The following LPP variants were observed in gnomAD, a reference collection of about 807,000 sequenced individuals.
The protein encoded by LPP is LIM domain containing preferred translocation partner in lipoma.
A neutral mutation model predicts 60.4 loss-of-function variants in LPP; 38 were observed. The observed-to-expected ratio is 0.63, with a 90% CI of 0.49 to 0.83. The LOEUF (loss-of-function observed/expected upper bound fraction) is 0.83, where lower values mean the gene tolerates loss of function less well. Among genes scored for constraint, LPP ranks in the 40% least tolerant of loss-of-function variants. The pLI is 0.00. For synonymous variants in LPP, 328 were observed against 290.8 expected (o/e 1.13, Z -1.30); for missense variants, 902 against 783.6 (o/e 1.15, Z -1.80).
chr3:188,365,738 TA>T (rs1343822042), intron 3 of LPP, among the ~76,000 whole-genome samples: 2 of 151,858 alleles, frequency 1.3e-5, no homozygotes, highest in Non-Finnish European at 2.9e-5. Context: ...TTGTTTTTAT[TA>T]AAAAATCAAT....
chr3:188,628,797 A>G (rs1345493319), intron 7 of LPP, among the ~76,000 whole-genome samples: 3 of 152,156 alleles, frequency 2.0e-5, no homozygotes, highest in Admixed American at 6.5e-5. Flanking sequence ...GAGATAGAAC[A>G]ACCAAAAGTG....
At chr3:188,521,019 A>G (rs1354792386) in intron 5 of LPP, among the ~76,000 whole-genome samples, 1 of 152,194 alleles carries the variant, frequency 6.6e-6, no homozygotes, top group Non-Finnish European at 1.5e-5. Context: ...ATCGAAAGGT[A>G]AATGAATATC....
chr3:188,769,575 A>G (rs1260328958), intron 9 of LPP, among the ~76,000 whole-genome samples: 2 of 152,240 alleles, frequency 1.3e-5, no homozygotes, highest in Non-Finnish European at 2.9e-5. Flanking sequence ...TTTAAAGTCC[A>G]GCAGGAACCT....
At chr3:188,787,618 A>G (rs1027645170) in intron 9 of LPP, among the ~76,000 whole-genome samples, 8 of 152,158 alleles carry the variant, frequency 5.3e-5, no homozygotes, top group Admixed American at 4.6e-4. Flanking sequence ...TGCAGCATTT[A>G]AAGATGTTGA....
intron 1 of LPP, among the ~76,000 whole-genome samples, chr3:188,218,993 C>G (rs1714753452): frequency 7.5e-6 from 1 of 133,530 alleles, no homozygotes; most frequent in South Asian, 2.4e-4. Flanking sequence ...AAATTGTTGA[C>G]AAATCCAGAT....
chr3:188,407,768 GTTTTTTTTTTTGTTTGTTTGTTT>G (rs1164967249), intron 4 of LPP, among the ~76,000 whole-genome samples: 5 of 61,282 alleles, frequency 8.2e-5, no homozygotes, highest in Admixed American at 7.9e-4. Context: ...CTCATTTATG[GTTTTTTTTTTTGTTTGTTTGTTT>G]TTTTTTTTTT....
intron 6 of LPP, among the ~76,000 whole-genome samples, chr3:188,580,051 A>G (rs961689660): frequency 5.9e-5 from 9 of 152,148 alleles, no homozygotes; most frequent in African/African-American, 2.2e-4. Context: ...AAAATAAAAT[A>G]AAAACCCCAA....
At chr3:188,515,255 A>C (rs889232064) in intron 5 of LPP, among the ~76,000 whole-genome samples, 18 of 151,984 alleles carry the variant, frequency 1.2e-4, no homozygotes, top group African/African-American at 4.3e-4. Flanking sequence ...TTCACACGAG[A>C]TCTGGTTGTT....
At chr3:188,780,727 C>G (rs1050164434) in intron 9 of LPP, among the ~76,000 whole-genome samples, 2 of 152,204 alleles carry the variant, frequency 1.3e-5, no homozygotes, top group African/African-American at 4.8e-5. Flanking sequence ...AGGATCCCAC[C>G]CCGCCATTCT....
At chr3:188,359,525 G>A (rs948509531) in intron 3 of LPP, among the ~76,000 whole-genome samples, 9 of 152,186 alleles carry the variant, frequency 5.9e-5, no homozygotes, top group African/African-American at 2.2e-4. Context: ...TGGCCCGAAA[G>A]GGGAAGAGAG....
At chr3:188,432,987 G>T (rs1427088090) in intron 4 of LPP, among the ~76,000 whole-genome samples, 1 of 152,108 alleles carries the variant, frequency 6.6e-6, no homozygotes, top group African/African-American at 2.4e-5. Flanking sequence ...AACAAGGGAT[G>T]ACCTTTGCTT....
intron 6 of LPP, among the ~76,000 whole-genome samples, chr3:188,564,248 G>A (rs1369208682): frequency 1.3e-5 from 2 of 151,830 alleles, no homozygotes; most frequent in Non-Finnish European, 2.9e-5. Flanking sequence ...TCCACCATTC[G>A]CAGCTGGTCC....
chr3:188,772,372 A>G (rs796792486), intron 9 of LPP, among the ~76,000 whole-genome samples: 2 of 152,212 alleles, frequency 1.3e-5, no homozygotes, highest in African/African-American at 4.8e-5. Flanking sequence ...CACATCTCTC[A>G]TAGGATTGAT....
At chr3:188,336,232 G>T (rs936483937) in intron 2 of LPP, among the ~76,000 whole-genome samples, 1 of 152,126 alleles carries the variant, frequency 6.6e-6, no homozygotes, top group Non-Finnish European at 1.5e-5. Context: ...GCTTGAAGTG[G>T]CTGTGGGACT....
chr3:188,570,167 C>G (rs1486876222), intron 6 of LPP, among the ~76,000 whole-genome samples: 1 of 151,962 alleles, frequency 6.6e-6, no homozygotes, highest in Non-Finnish European at 1.5e-5. Context: ...GTAAAAGTGA[C>G]AGGCCTTGTG....
intron 9 of LPP, among the ~76,000 whole-genome samples, chr3:188,792,276 CT>C (rs1445950096): frequency 2.0e-5 from 3 of 152,216 alleles, no homozygotes; most frequent in African/African-American, 7.2e-5. Flanking sequence ...TTTCATCCTT[CT>C]TAGTTTCAGC....
chr3:188,388,131 G>A (rs1778814087), intron 3 of LPP, among the ~76,000 whole-genome samples: 1 of 151,888 alleles, frequency 6.6e-6, no homozygotes, highest in Admixed American at 6.6e-5. Flanking sequence ...CCCATTCACA[G>A]CAAATCAAAG....
intron 5 of LPP, among the ~76,000 whole-genome samples, chr3:188,499,491 C>T (rs1347784389): frequency 6.6e-6 from 1 of 152,154 alleles, no homozygotes; most frequent in Non-Finnish European, 1.5e-5. Context: ...GCCAATAGCA[C>T]ACTGTTTTGC....
chr3:188,545,162 C>A (rs575265002), intron 6 of LPP, among the ~76,000 whole-genome samples: 2 of 119,674 alleles, frequency 1.7e-5, no homozygotes, highest in East Asian at 2.8e-4. Context: ...CTAGATGACA[C>A]GTTAGTGGGT....
Sources: allele counts gnomAD v4.1 joint callset (sites outside exome capture counted in the v4.1 genomes callset), GRCh38; gene constraint gnomAD v4.1.1; transcripts MANE v1.5; gene names NCBI Gene and HGNC (gene_info 2026-07-23, HGNC 2026-07-21).